Variants in RAB31 observed in about 807,000 individuals in gnomAD.
RAB31 encodes the protein ras-related protein Rab-31.
RAB31 carries 21 observed loss-of-function variants against 25.6 expected under a neutral mutation model. The ratio of observed to expected loss-of-function variants is 0.82; its 90% CI spans 0.58 to 1.18. The LOEUF (loss-of-function observed/expected upper bound fraction) is 1.18. RAB31 is among the 50% of genes most tolerant of loss of function. The pLI, the probability that RAB31 is intolerant of heterozygous loss-of-function variation, is 0.00. For synonymous variants in RAB31, 87 were observed against 84.0 expected (o/e 1.04, Z -0.20); for missense variants, 196 against 250.1 (o/e 0.78, Z 1.46).
chr18:9,791,644 A>C (rs4798858), intron 2 of RAB31, among the ~76,000 whole-genome samples: 82,270 of 151,204 alleles, frequency 0.54, 22,600 homozygotes, highest in South Asian at 0.62. Flanking sequence ...CCTGGGCTGG[A>C]GTACCATGGT....
chr18:9,793,643 C>G (rs1271757348), intron 3 of RAB31, among the ~76,000 whole-genome samples: 1 of 150,516 alleles, frequency 6.6e-6, no homozygotes, highest in Non-Finnish European at 1.5e-5. Context: ...GCCTGGGCGA[C>G]AGAGTGAGAC....
At chr18:9,853,829 A>G (rs1006137970) in intron 6 of RAB31, among the ~76,000 whole-genome samples, 3 of 152,100 alleles carry the variant, frequency 2.0e-5, no homozygotes, top group Non-Finnish European at 4.4e-5. Context: ...ATTTTTTTCC[A>G]TAAACCAAAA....
intron 1 of RAB31, among the ~76,000 whole-genome samples, chr18:9,754,159 C>T (rs953633598): frequency 3.3e-5 from 5 of 152,166 alleles, no homozygotes; most frequent in Admixed American, 6.5e-5. Context: ...GTGCATCTTA[C>T]GTGCTTATGC....
At chr18:9,716,750 G>T (rs985123520) in intron 1 of RAB31, among the ~76,000 whole-genome samples, 1 of 151,920 alleles carries the variant, frequency 6.6e-6, no homozygotes, top group Non-Finnish European at 1.5e-5. Context: ...AAAGAAAAAT[G>T]GAATTTTTAT....
rs1305066489 is a variant in RAB31, at chr18:9,862,051, A to G, written c.*2726A>G. 1 of 152,676 alleles carries G rather than the reference A, an allele frequency of 6.5e-6. No individual in the cohort carries two copies. The highest frequency in any genetic ancestry group is 1.5e-5 in the Non-Finnish European group (1 of 68,044). The allele number at this position is 152,676 out of a possible 1,614,324, so 9.5% of individuals were successfully genotyped here. A position where few individuals can be genotyped will look rare whatever the true frequency, so the allele number is the denominator to read the frequency against. ...GCCCGAAACTAACTTTTAGCTAACA[A>G]TAAGGGCTGTGCCCCAATGGAAACT... On this transcript the variant is annotated 3_prime_UTR_variant, in exon 7 of 7. Coordinates refer to ENST00000578921, the MANE Select transcript of RAB31 (RefSeq NM_006868.4).
intron 5 of RAB31, among the ~76,000 whole-genome samples, chr18:9,842,238 A>G (rs1335664848): frequency 6.6e-6 from 1 of 152,128 alleles, no homozygotes; most frequent in African/African-American, 2.4e-5. Flanking sequence ...ACTAATGAAG[A>G]TTGATTAAAT....
chr18:9,856,605 A>G (rs755856791), intron 6 of RAB31, among the ~76,000 whole-genome samples: 3 of 152,262 alleles, frequency 2.0e-5, no homozygotes, highest in Admixed American at 6.5e-5. Context: ...TGATGTTAAC[A>G]TAGAATTTGA....
At chr18:9,828,874 T>C (rs1016952940) in intron 5 of RAB31, among the ~76,000 whole-genome samples, 1 of 152,158 alleles carries the variant, frequency 6.6e-6, no homozygotes, top group Non-Finnish European at 1.5e-5. Context: ...GCGTTTTCCT[T>C]ATGTGAGATA....
At chr18:9,839,237 CAG>C in intron 5 of RAB31, among the ~76,000 whole-genome samples, 1 of 152,246 alleles carries the variant, frequency 6.6e-6, no homozygotes, top group East Asian at 1.9e-4. Context: ...GCCACCTGAA[CAG>C]GGAGAAGTGG....
At chr18:9,773,926 G>A (rs948396067) in intron 1 of RAB31, among the ~76,000 whole-genome samples, 1 of 152,116 alleles carries the variant, frequency 6.6e-6, no homozygotes, top group Non-Finnish European at 1.5e-5. Flanking sequence ...CTCCCAAAGT[G>A]CTAGGATTAC....
intron 1 of RAB31, among the ~76,000 whole-genome samples, chr18:9,743,510 G>GC (rs1304906417): frequency 6.6e-6 from 1 of 152,170 alleles, no homozygotes; most frequent in Non-Finnish European, 1.5e-5. Context: ...TAGGGAGGTA[G>GC]CACCTGAGCT....
intron 6 of RAB31, among the ~76,000 whole-genome samples, chr18:9,854,667 GTCT>G (rs1030568407): frequency 6.9e-4 from 105 of 152,204 alleles, no homozygotes; most frequent in African/African-American, 2.5e-3. Flanking sequence ...TCCTAATATT[GTCT>G]TCTTTATGGC....
chr18:9,847,583 CT>C (rs998532707), intron 6 of RAB31, among the ~76,000 whole-genome samples: 9 of 151,734 alleles, frequency 5.9e-5, no homozygotes, highest in Admixed American at 6.6e-5. Flanking sequence ...TATCTTTTTT[CT>C]TTTTTTTTCT....
At chr18:9,789,361 G>A (rs1357531138) in intron 2 of RAB31, among the ~76,000 whole-genome samples, 6 of 152,118 alleles carry the variant, frequency 3.9e-5, no homozygotes, top group South Asian at 2.1e-4. Flanking sequence ...GTATATTTTC[G>A]AAAAGCTTGA....
intron 3 of RAB31, among the ~76,000 whole-genome samples, chr18:9,793,030 G>A (rs978342684): frequency 2.0e-5 from 3 of 152,292 alleles, no homozygotes; most frequent in South Asian, 2.1e-4. Flanking sequence ...GGGAAATGAC[G>A]AATACTAGCA....
intron 3 of RAB31, 71 bp downstream of exon 3, chr18:9,792,306 G>C: frequency 6.5e-7 from 1 of 1,534,860 alleles, no homozygotes; most frequent in African/African-American, 1.4e-5. Flanking sequence ...AGGTTTGTTT[G>C]CATTAGACAA....
chr18:9,840,034 G>A (rs999696542), intron 5 of RAB31, among the ~76,000 whole-genome samples: 2 of 152,118 alleles, frequency 1.3e-5, no homozygotes, highest in African/African-American at 2.4e-5. Flanking sequence ...GCTGGCCACC[G>A]CTGCTGCTTT....
At position 9,842,134 on chromosome 18, in the gene RAB31, G is replaced by T. The variant is rs142067859; in HGVS notation, c.381-3448G>T. Among the ~76,000 whole-genome samples the T allele has an allele frequency of 6.5e-3, 987 of 152,240 alleles. 7 individuals are homozygous for T. The highest frequency in any genetic ancestry group is 0.021 in the African/African-American group (869 of 41,544). On this transcript the variant is annotated intron_variant, in intron 5 of 6. Transcript: ENST00000578921. ...GGACAAGGAGCTTCCAGCCTCTCAG[G>T]GGTAGCACTCCCAGCACACCAGTGT... is the stretch of plus-strand genomic sequence containing the variant.
In RAB31 at chr18:9,814,101, T is replaced by A. The variant is rs898167495; in HGVS notation, c.273+10T>A. The A allele has an allele frequency of 3.9e-6, 6 of 1,546,310 alleles. No individual in the cohort carries two copies. Among genetic ancestry groups the A allele is most frequent in the African/African-American group, 2.7e-5 (2 of 73,712 alleles). On this transcript the variant is annotated intron_variant, in intron 4 of 6. Transcript: ENST00000578921. ...TGATATTACCAAGCAGGTAAGAATGTCTCCTTCAGAATTTAGATGTCATTT... is the reference window on the plus strand; with the variant it reads ...TGATATTACCAAGCAGGTAAGAATGACTCCTTCAGAATTTAGATGTCATTT...
Sources: allele counts gnomAD v4.1 joint callset (sites outside exome capture counted in the v4.1 genomes callset), GRCh38; gene constraint gnomAD v4.1.1; transcripts MANE v1.5; gene names NCBI Gene and HGNC (gene_info 2026-07-23, HGNC 2026-07-21).